Variants in CFAP61 observed in about 807,000 individuals in gnomAD.
The protein encoded by CFAP61 is cilia and flagella associated protein 61, also known as cilia- and flagella-associated protein 61.
Under a neutral mutation model 135.6 loss-of-function variants are expected in CFAP61, and 107 were observed. That is an observed-to-expected ratio of 0.79 (90% confidence interval 0.67 to 0.93). The LOEUF (loss-of-function observed/expected upper bound fraction) is 0.93. CFAP61 is among the 40% of genes least tolerant of loss of function. CFAP61 has a pLI of 0.00. For missense variants in CFAP61, 1,507 were observed against 1,556.2 expected (o/e 0.97, Z 0.53); for synonymous variants, 575 against 578.5 (o/e 0.99, Z 0.09).
chr20:20,186,562 C>A (rs997865550), intron 13 of CFAP61, among the ~76,000 whole-genome samples: 3 of 152,142 alleles, frequency 2.0e-5, no homozygotes, highest in African/African-American at 7.2e-5. Flanking sequence ...TTGTTTGTTA[C>A]ATTTACATCT....
At chr20:20,358,158 G>A (rs1397271360) in intron 26 of CFAP61, among the ~76,000 whole-genome samples, 10 of 143,340 alleles carry the variant, frequency 7.0e-5, no homozygotes, top group African/African-American at 2.6e-4. Context: ...TCACACTGAG[G>A]GGAGGTGGTC....
At chr20:20,181,719 A>T (rs192870615) in intron 13 of CFAP61, among the ~76,000 whole-genome samples, 6 of 152,292 alleles carry the variant, frequency 3.9e-5, no homozygotes, top group African/African-American at 1.4e-4. Flanking sequence ...GGGTAATGAA[A>T]AACATAGCTA....
chr20:20,336,639 A>T (rs540151593), intron 25 of CFAP61, among the ~76,000 whole-genome samples: 33 of 152,232 alleles, frequency 2.2e-4, no homozygotes, highest in African/African-American at 7.5e-4. Context: ...AAAAAAAAAA[A>T]ATTTTAAGAA....
chr20:20,200,134 A>G lies in CFAP61; in HGVS notation c.1932+232A>G, dbSNP rs141997976. Reference sequence around the variant, plus strand: ...CCACAGGACCCTGCAGGGTCATGCCATGAGGATACCTCTCAGGCTGCTGTG... The same window carrying G: ...CCACAGGACCCTGCAGGGTCATGCCGTGAGGATACCTCTCAGGCTGCTGTG... On this transcript the variant is annotated intron_variant, in intron 17 of 26. Transcript: ENST00000245957. 6.6e-3 allele frequency among the ~76,000 whole-genome samples: 999 copies of G among 152,342 alleles called. 13 individuals carry two copies. The highest frequency in any genetic ancestry group is 0.022 in the African/African-American group (909 of 41,590).
At chr20:20,132,211 G>GT (rs1451151289) in intron 8 of CFAP61, among the ~76,000 whole-genome samples, 4 of 151,998 alleles carry the variant, frequency 2.6e-5, no homozygotes, top group Non-Finnish European at 4.4e-5. Flanking sequence ...ACATAACATA[G>GT]TGTCTTCAAA....
At chr20:20,082,598 G>T (rs1258734965) in intron 6 of CFAP61, among the ~76,000 whole-genome samples, 2 of 152,148 alleles carry the variant, frequency 1.3e-5, no homozygotes, top group Admixed American at 6.5e-5. Context: ...TCCTCCTGGG[G>T]CTGGGAGGAG....
intron 2 of CFAP61, among the ~76,000 whole-genome samples, chr20:20,069,089 A>G (rs1425129508): frequency 5.9e-5 from 9 of 152,058 alleles, no homozygotes; most frequent in Non-Finnish European, 1.2e-4. Context: ...CATTTATGGT[A>G]GTGATGTATA....
In CFAP61 at chr20:20,169,362, C is replaced by G. The variant is rs375364921; in HGVS notation, c.1287C>G (p.Pro429=). The G allele has an allele frequency of 1.9e-6, 3 of 1,613,796 alleles. No individual in the cohort carries two copies. Among genetic ancestry groups the G allele is most frequent in the South Asian group, 2.2e-5 (2 of 91,052 alleles). Residue 429 remains proline (P), a synonymous_variant, in exon 13 of 27, where the codon CCC becomes CCG. Transcript: ENST00000245957. Reference sequence around the variant, plus strand: ...TAATTTCTCTGCCCCATCTCACCCCCGAGTTCTTCCTCATCCAGAACTTCG... The same window carrying G: ...TAATTTCTCTGCCCCATCTCACCCCGGAGTTCTTCCTCATCCAGAACTTCG... ...FCVISLPHLT[P]EFFLIQNFVK...
At chr20:20,244,320 T>C (rs2050260780) in intron 18 of CFAP61, among the ~76,000 whole-genome samples, 1 of 152,228 alleles carries the variant, frequency 6.6e-6, no homozygotes, top group Non-Finnish European at 1.5e-5. Flanking sequence ...GCCCTGCCCC[T>C]GCGGCAAACT....
chr20:20,341,066 C>G (rs1393761826), intron 25 of CFAP61, among the ~76,000 whole-genome samples: 1 of 152,118 alleles, frequency 6.6e-6, no homozygotes. Context: ...CACACAACAT[C>G]CATAAACAGT....
intron 17 of CFAP61, among the ~76,000 whole-genome samples, chr20:20,206,404 C>T (rs1342253925): frequency 2.0e-5 from 3 of 152,116 alleles, no homozygotes; most frequent in African/African-American, 7.2e-5. Flanking sequence ...GAACCTGTAC[C>T]CATTGGCAGT....
Position 20,142,561 on chromosome 20 carries a change from C to T in CFAP61, c.860-296C>T, listed in dbSNP as rs559202356. 4.6e-5 allele frequency among the ~76,000 whole-genome samples: 7 copies of T among 152,312 alleles called. No individual in the cohort carries two copies. The South Asian group carries it at 1.2e-3, about 27-fold the overall frequency. On this transcript the variant is annotated intron_variant, in intron 8 of 26. Coordinates refer to ENST00000245957, the MANE Select transcript of CFAP61 (RefSeq NM_015585.4). ...GTTGAGGGCCTCCTGTGGCCCAGGC[C>T]TGGGCCAGGTCCGTTGCCCATCTTC...
At chr20:20,348,797 TAAAAA>T (rs36120926) in intron 26 of CFAP61, among the ~76,000 whole-genome samples, 3 of 127,172 alleles carry the variant, frequency 2.4e-5, no homozygotes, top group Non-Finnish European at 3.3e-5. Context: ...GTAAAAACAC[TAAAAA>T]AAAAAAAAAA....
At chr20:20,297,062 T>C (rs2055690461) in intron 24 of CFAP61, among the ~76,000 whole-genome samples, 1 of 152,080 alleles carries the variant, frequency 6.6e-6, no homozygotes, top group African/African-American at 2.4e-5. Context: ...CACACGCACC[T>C]GGGGGTGGCC....
chr20:20,208,896 TAAAGC>T (rs2047427856), intron 17 of CFAP61, among the ~76,000 whole-genome samples: 3 of 152,090 alleles, frequency 2.0e-5, no homozygotes, highest in Admixed American at 1.3e-4. Context: ...TTCTGTGACT[TAAAGC>T]AAAGGACAAG....
intron 17 of CFAP61, among the ~76,000 whole-genome samples, chr20:20,217,724 G>A (rs1312936586): frequency 6.6e-6 from 1 of 152,184 alleles, no homozygotes; most frequent in African/African-American, 2.4e-5. Context: ...ACCAAATAAT[G>A]TTGCCTGAAG....
At chr20:20,202,996 A>G (rs1051367510) in intron 17 of CFAP61, among the ~76,000 whole-genome samples, 3 of 152,210 alleles carry the variant, frequency 2.0e-5, no homozygotes, top group East Asian at 1.9e-4. Context: ...TAGGTTGCCA[A>G]TTTGAATCTG....
chr20:20,260,057 C>T (rs1282608344), intron 20 of CFAP61, among the ~76,000 whole-genome samples: 1 of 152,158 alleles, frequency 6.6e-6, no homozygotes, highest in East Asian at 1.9e-4. Flanking sequence ...CCTCTTTTAC[C>T]TTTTCAGGGC....
At chr20:20,275,938 G>C (rs2053726709) in intron 21 of CFAP61, among the ~76,000 whole-genome samples, 1 of 152,156 alleles carries the variant, frequency 6.6e-6, no homozygotes, top group African/African-American at 2.4e-5. Context: ...AACAGAGTGG[G>C]GGTCATAGCC....
Sources: allele counts gnomAD v4.1 joint callset (sites outside exome capture counted in the v4.1 genomes callset), GRCh38; gene constraint gnomAD v4.1.1; transcripts MANE v1.5; gene names NCBI Gene and HGNC (gene_info 2026-07-23, HGNC 2026-07-21).